The following GRIK4 variants were observed in gnomAD, a reference collection of about 807,000 sequenced individuals.
The protein encoded by GRIK4 is glutamate receptor ionotropic, kainate 4.
Under a neutral mutation model 104.9 loss-of-function variants are expected in GRIK4, and 40 were observed. The ratio of observed to expected loss-of-function variants is 0.38; its 90% CI spans 0.30 to 0.50. The LOEUF (loss-of-function observed/expected upper bound fraction) is 0.50. Among genes scored for constraint, GRIK4 ranks in the 20% least tolerant of loss-of-function variants. The pLI is 0.93. For missense variants in GRIK4, 1,047 were observed against 1,308.1 expected (o/e 0.80, Z 3.08); for synonymous variants, 485 against 524.9 (o/e 0.92, Z 1.04).
chr11:120,882,415 C>T (rs903752615), intron 11 of GRIK4, among the ~76,000 whole-genome samples: 2 of 152,176 alleles, frequency 1.3e-5, no homozygotes, highest in Non-Finnish European at 2.9e-5. Flanking sequence ...CCTTGAGTGC[C>T]AGCTCTCCGT....
rs541854015 is a variant in GRIK4, at chr11:120,635,249, A to C, written c.-158-18436A>C. 1.3e-4 allele frequency among the ~76,000 whole-genome samples: 20 copies of C among 152,318 alleles called. 1 individual carries two copies. The South Asian group carries it at 4.1e-3, about 32-fold the overall frequency. On this transcript the variant is annotated intron_variant, in intron 1 of 20. Coordinates refer to ENST00000527524, the MANE Select transcript of GRIK4 (RefSeq NM_014619.5). Reference sequence around the variant, plus strand: ...CCACTCAGAAGGGGACAGATGTTTGAATAATTCTTGGAAACATGCTGCAAC... The same window carrying C: ...CCACTCAGAAGGGGACAGATGTTTGCATAATTCTTGGAAACATGCTGCAAC...
In GRIK4 at chr11:120,563,217, T is replaced by C. The variant is rs374336655; in HGVS notation, c.-159+51330T>C. ...CCTCTTTGTCCATGTGGGATAGGGA[T>C]TGCTTGGCCGGTAAGCACTGTGTTT... is the stretch of plus-strand genomic sequence containing the variant. On this transcript the variant is annotated intron_variant, in intron 1 of 20. Coordinates refer to ENST00000527524, the MANE Select transcript of GRIK4 (RefSeq NM_014619.5). Among the ~76,000 whole-genome samples, 6 of 152,144 alleles carry C rather than the reference T, an allele frequency of 3.9e-5. No individual in the cohort carries two copies. The East Asian group carries it at 1.2e-3, about 29-fold the overall frequency.
At chr11:120,617,828 G>T (rs1383417394) in intron 1 of GRIK4, among the ~76,000 whole-genome samples, 1 of 152,176 alleles carries the variant, frequency 6.6e-6, no homozygotes, top group African/African-American at 2.4e-5. Flanking sequence ...ACAGCTTGCA[G>T]AATTGTGAGC....
chr11:120,716,239 AT>A (rs1314687519), intron 3 of GRIK4, among the ~76,000 whole-genome samples: 4 of 68,856 alleles, frequency 5.8e-5, no homozygotes, highest in Non-Finnish European at 7.7e-5. Context: ...ACCTGACATG[AT>A]TTTTTTGGGG....
At chr11:120,831,234 G>A (rs188352876) in intron 6 of GRIK4, among the ~76,000 whole-genome samples, 1 of 152,180 alleles carries the variant, frequency 6.6e-6, no homozygotes, top group African/African-American at 2.4e-5. Context: ...TGGGCCTTGG[G>A]ATCTTAAGGG....
chr11:120,640,141 A>C (rs1949452793), intron 1 of GRIK4, among the ~76,000 whole-genome samples: 1 of 152,202 alleles, frequency 6.6e-6, no homozygotes, highest in Non-Finnish European at 1.5e-5. Context: ...GCGTGAAAGC[A>C]AGTTTATTAA....
chr11:120,829,903 A>G (rs1284345704), intron 6 of GRIK4, among the ~76,000 whole-genome samples: 1 of 152,328 alleles, frequency 6.6e-6, no homozygotes, highest in South Asian at 2.1e-4. Flanking sequence ...TGTGAGGGGC[A>G]CAGATGGCGG....
At chr11:120,517,571 C>T (rs1393696680) in intron 1 of GRIK4, among the ~76,000 whole-genome samples, 1 of 130,118 alleles carries the variant, frequency 7.7e-6, no homozygotes, top group Non-Finnish European at 1.6e-5. Context: ...TGCTACGCTG[C>T]GGGGTGTTGG....
intron 3 of GRIK4, among the ~76,000 whole-genome samples, chr11:120,727,069 A>G (rs1419974827): frequency 1.3e-5 from 2 of 152,198 alleles, no homozygotes; most frequent in Non-Finnish European, 2.9e-5. Context: ...AGAACCACAA[A>G]CTAGCAACAG....
At chr11:120,617,680 T>A (rs1949133751) in intron 1 of GRIK4, among the ~76,000 whole-genome samples, 1 of 152,102 alleles carries the variant, frequency 6.6e-6, no homozygotes, top group African/African-American at 2.4e-5. Flanking sequence ...TGAGATCTGG[T>A]CATTTAAAAG....
chr11:120,659,311 A>G (rs1949773307), intron 2 of GRIK4, among the ~76,000 whole-genome samples: 1 of 152,102 alleles, frequency 6.6e-6, no homozygotes, highest in Admixed American at 6.5e-5. Context: ...GCGGTAGTAG[A>G]GCAGATGTGG....
chr11:120,780,040 C>A, intron 3 of GRIK4, among the ~76,000 whole-genome samples: 1 of 152,208 alleles, frequency 6.6e-6, no homozygotes, highest in East Asian at 1.9e-4. Flanking sequence ...GAATACTCAT[C>A]TGTGAAGTGG....
intron 18 of GRIK4, among the ~76,000 whole-genome samples, chr11:120,963,171 T>C (rs1432648948): frequency 6.6e-6 from 1 of 152,190 alleles, no homozygotes; most frequent in Non-Finnish European, 1.5e-5. Flanking sequence ...TTAGATGGAA[T>C]GCTTTCAAAT....
chr11:120,541,394 CT>C (rs1250501398), intron 1 of GRIK4, among the ~76,000 whole-genome samples: 5 of 152,190 alleles, frequency 3.3e-5, no homozygotes, highest in Non-Finnish European at 7.3e-5. Context: ...CTATCTATTT[CT>C]GAGTAAGCCT....
intron 11 of GRIK4, among the ~76,000 whole-genome samples, chr11:120,883,187 G>A (rs371511394): frequency 1.3e-5 from 2 of 152,114 alleles, no homozygotes; most frequent in African/African-American, 2.4e-5. Context: ...CCTGGGCCCC[G>A]GGGAGGTGTG....
At chr11:120,604,560 G>A (rs1262194526) in intron 1 of GRIK4, among the ~76,000 whole-genome samples, 1 of 152,206 alleles carries the variant, frequency 6.6e-6, no homozygotes, top group East Asian at 1.9e-4. Context: ...CCCAGCAGTG[G>A]GAACTGTGAC....
At chr11:120,751,165 T>C (rs1951543979) in intron 3 of GRIK4, among the ~76,000 whole-genome samples, 1 of 151,718 alleles carries the variant, frequency 6.6e-6, no homozygotes, top group Admixed American at 6.6e-5. Flanking sequence ...CCAGACTCCC[T>C]ACTTCAAGCA....
At chr11:120,705,232 C>CTTTT (rs902505786) in intron 3 of GRIK4, among the ~76,000 whole-genome samples, 2 of 139,084 alleles carry the variant, frequency 1.4e-5, no homozygotes, top group Non-Finnish European at 3.2e-5. Context: ...TCTTTCTTTT[C>CTTTT]TTTTTTTTTT....
chr11:120,688,949 G>T (rs1950314461), intron 3 of GRIK4, among the ~76,000 whole-genome samples: 1 of 152,062 alleles, frequency 6.6e-6, no homozygotes, highest in African/African-American at 2.4e-5. Context: ...ACCAGGTCTT[G>T]GGAAAACAGA....
Sources: gnomAD v4.1 joint callset for allele counts (sites outside exome capture counted in the v4.1 genomes callset) on GRCh38, gnomAD v4.1.1 for gene constraint, MANE v1.5 for transcripts, NCBI Gene and HGNC (gene_info 2026-07-23, HGNC 2026-07-21) for gene names.